TNS3: variants seen among roughly 807,000 people sequenced by gnomAD.
TNS3 encodes tensin 3.
Under a neutral mutation model 140.9 loss-of-function variants are expected in TNS3, and 45 were observed. The ratio of observed to expected loss-of-function variants is 0.32; its 90% CI spans 0.25 to 0.41. The LOEUF (loss-of-function observed/expected upper bound fraction) is 0.41. Among genes scored for constraint, TNS3 ranks in the 10% least tolerant of loss-of-function variants. The pLI, the probability that TNS3 is intolerant of heterozygous loss-of-function variation, is 1.00. For missense variants in TNS3, 1,716 were observed against 1,906.7 expected, an observed-to-expected ratio of 0.90 and a Z score of 1.86; for synonymous variants, 815 against 788.4, an observed-to-expected ratio of 1.03 and a Z score of -0.56.
In TNS3 at chr7:47,346,300, AC is replaced by A; in HGVS notation, c.2337del (p.Gln779HisfsTer41). ...GGRLRKLSLGQYDNDAGGQLP... is the reference protein window; with the variant it reads ...GGRLRKLSLGXYDNDAGGQLP... ...AGCTGCCCCCCAGCATCGTTGTCGTACTGCCCCAGGCTCAGCTTCCTGAGTC... is the reference window on the plus strand; with the variant it reads ...AGCTGCCCCCCAGCATCGTTGTCGTATGCCCCAGGCTCAGCTTCCTGAGTC... On this transcript the variant is annotated frameshift_variant, in exon 18 of 31. Transcript: ENST00000311160. LOFTEE classifies it high-confidence loss of function. 2 of 1,614,200 alleles carry A rather than the reference AC, an allele frequency of 1.2e-6. No individual in the cohort carries two copies. The highest frequency in any genetic ancestry group is 1.7e-6 in the Non-Finnish European group (2 of 1,180,040).
intron 3 of TNS3, among the ~76,000 whole-genome samples, chr7:47,496,038 G>A (rs1165441902): frequency 2.0e-5 from 3 of 152,126 alleles, no homozygotes; most frequent in African/African-American, 7.2e-5. Context: ...CTGGGGAGAG[G>A]CCCCGATGCC....
intron 13 of TNS3, chr7:47,405,511 C>T (rs75816823): frequency 0.042 from 29,705 of 702,936 alleles, 839 homozygotes; most frequent in Non-Finnish European, 0.059. Flanking sequence ...GATTTCTTCA[C>T]TTGGAGCTGA....
At position 47,559,638 on chromosome 7, in the gene TNS3, A is replaced by G. The variant is rs191517617; in HGVS notation, c.-265+22413T>C. ...ACAGGAGCCAATCTTACGAGAGGCCAGCCCTCCTGCTCTACATCTCTGAGG... is the reference window on the plus strand; with the variant it reads ...ACAGGAGCCAATCTTACGAGAGGCCGGCCCTCCTGCTCTACATCTCTGAGG... On this transcript the variant is annotated intron_variant, in intron 1 of 30. Coordinates refer to ENST00000311160, the MANE Select transcript of TNS3 (RefSeq NM_022748.12). Among the ~76,000 whole-genome samples the G allele has an allele frequency of 6.5e-3, 983 of 152,228 alleles. 12 individuals are homozygous for G. Among genetic ancestry groups the G allele is most frequent in the African/African-American group, 0.023 (956 of 41,532 alleles).
At chr7:47,429,517 G>A (rs946118524) in intron 8 of TNS3, among the ~76,000 whole-genome samples, 1 of 152,042 alleles carries the variant, frequency 6.6e-6, no homozygotes, top group African/African-American at 2.4e-5. Flanking sequence ...ACAGGCGCCC[G>A]CCACCATACC....
intron 4 of TNS3, among the ~76,000 whole-genome samples, chr7:47,463,682 G>T (rs76870567): frequency 0.011 from 1,706 of 152,314 alleles, 18 homozygotes; most frequent in Non-Finnish European, 0.019. Flanking sequence ...AAGGATGCCT[G>T]TCTGCAGTAT....
intron 20 of TNS3, among the ~76,000 whole-genome samples, chr7:47,331,495 C>G (rs1788341530): frequency 6.6e-6 from 1 of 152,186 alleles, no homozygotes; most frequent in South Asian, 2.1e-4. Flanking sequence ...CAATCTCATG[C>G]TCCTCTGGAA....
rs751034527 is a variant in TNS3, at chr7:47,424,157, T to G, written c.417A>C (p.Ala139=). ...ASADQALDRF[A]MKKFYDDKVS... ...CTTTGTCATCATAAAACTTCTTCAT[T>G]GCAAACCTGTCAAGGGCCTGGTCGG... Residue 139 remains alanine, a synonymous_variant, in exon 10 of 31, where the codon GCA becomes GCC. Transcript: ENST00000311160. The G allele has an allele frequency of 8.7e-6, 14 of 1,614,042 alleles. No homozygotes were observed. The highest frequency in any genetic ancestry group is 8.5e-7 in the Non-Finnish European group (1 of 1,180,042).
At chr7:47,468,923 CAAAT>C (rs1401113684) in intron 4 of TNS3, among the ~76,000 whole-genome samples, 3 of 152,270 alleles carry the variant, frequency 2.0e-5, no homozygotes, top group East Asian at 1.9e-4. Flanking sequence ...ACAGAAAACA[CAAAT>C]AAAGCTGCAC....
intron 9 of TNS3, among the ~76,000 whole-genome samples, chr7:47,426,272 A>G (rs998487370): frequency 7.9e-5 from 12 of 152,160 alleles, no homozygotes; most frequent in Non-Finnish European, 1.6e-4. Flanking sequence ...ACAGAGTGAG[A>G]CTCTGTCTTA....
At chr7:47,318,541 T>C (rs1019049012) in intron 20 of TNS3, among the ~76,000 whole-genome samples, 3 of 151,946 alleles carry the variant, frequency 2.0e-5, no homozygotes, top group African/African-American at 7.3e-5. Flanking sequence ...CAGGCCAGGG[T>C]GAGGGTATGC....
intron 1 of TNS3, among the ~76,000 whole-genome samples, chr7:47,534,976 G>A (rs1242698264): frequency 6.6e-6 from 1 of 152,172 alleles, no homozygotes; most frequent in Non-Finnish European, 1.5e-5. Flanking sequence ...GCTCAGACAA[G>A]AGTAGCATTC....
chr7:47,466,548 C>G (rs1796724075), intron 4 of TNS3, among the ~76,000 whole-genome samples: 1 of 152,230 alleles, frequency 6.6e-6, no homozygotes, highest in Non-Finnish European at 1.5e-5. Context: ...CTGAGCCCTG[C>G]AGTATGGCTT....
chr7:47,337,986 T>G (rs1008314557), intron 20 of TNS3, among the ~76,000 whole-genome samples: 3 of 152,252 alleles, frequency 2.0e-5, no homozygotes, highest in Admixed American at 6.5e-5. Context: ...GGTTTTGACT[T>G]TTCTCACTCA....
At chr7:47,411,576 A>G in intron 13 of TNS3, 151 bp downstream of exon 13, 1 of 780,048 alleles carries the variant, frequency 1.3e-6, no homozygotes, top group Middle Eastern at 3.9e-4. Flanking sequence ...GGGGGACCCC[A>G]GTGTTAAGGT....
intron 20 of TNS3, among the ~76,000 whole-genome samples, chr7:47,331,936 G>A (rs1349098011): frequency 6.6e-6 from 1 of 152,232 alleles, no homozygotes; most frequent in Non-Finnish European, 1.5e-5. Flanking sequence ...AATCTGGGGG[G>A]CACCTTGGTA....
At chr7:47,558,106 G>A (rs1800244888) in intron 1 of TNS3, among the ~76,000 whole-genome samples, 1 of 152,166 alleles carries the variant, frequency 6.6e-6, no homozygotes, top group Non-Finnish European at 1.5e-5. Flanking sequence ...ACCCCCATGT[G>A]GGTGCTGACG....
chr7:47,370,509 G>A (rs1411042846), intron 16 of TNS3, among the ~76,000 whole-genome samples: 2 of 152,130 alleles, frequency 1.3e-5, no homozygotes, highest in African/African-American at 4.8e-5. Flanking sequence ...CTAAAGTGTG[G>A]GCAGGAAGGG....
chr7:47,417,124 G>A (rs891474627), intron 10 of TNS3, among the ~76,000 whole-genome samples: 7 of 152,218 alleles, frequency 4.6e-5, no homozygotes, highest in African/African-American at 1.7e-4. Context: ...TGCAAACATG[G>A]AAGACTCTGG....
At chr7:47,443,360 C>T (rs1403952932) in intron 4 of TNS3, among the ~76,000 whole-genome samples, 1 of 152,070 alleles carries the variant, frequency 6.6e-6, no homozygotes, top group Non-Finnish European at 1.5e-5. Context: ...TCTCCAGACC[C>T]CGCCCACCCC....
Sources: gnomAD v4.1 joint callset for allele counts (sites outside exome capture counted in the v4.1 genomes callset) on GRCh38, gnomAD v4.1.1 for gene constraint, MANE v1.5 for transcripts, NCBI Gene and HGNC (gene_info 2026-07-23, HGNC 2026-07-21) for gene names.